The following PIWIL2 variants were observed in gnomAD, a reference collection of about 807,000 sequenced individuals.
The protein encoded by PIWIL2 is piwi like RNA-mediated gene silencing 2.
In PIWIL2, 81 loss-of-function variants were observed where a neutral mutation model predicts 116.5. The observed-to-expected ratio is 0.70, with a 90% confidence interval of 0.58 to 0.84. The LOEUF (loss-of-function observed/expected upper bound fraction) is 0.84. Ranked by LOEUF, PIWIL2 falls within the 40% of genes least tolerant of loss-of-function variation. PIWIL2 has a pLI of 0.00. For synonymous variants in PIWIL2, 489 were observed against 429.5 expected, an observed-to-expected ratio of 1.14 and a Z score of -1.71; for missense variants, 1,272 against 1,212.3, an observed-to-expected ratio of 1.05 and a Z score of -0.73.
rs7821749 is a variant in PIWIL2, at chr8:22,320,996, G to A, written c.2403+2721G>A. 5.8e-3 allele frequency among the ~76,000 whole-genome samples: 887 copies of A among 152,256 alleles called. 12 individuals are homozygous for A. The highest frequency in any genetic ancestry group is 0.02 in the African/African-American group (848 of 41,548). ...TAAGCTGACACTCCTGGTGATTTACGTTGAATTTCTAGTATCACAATTCTA... is the reference window on the plus strand; with the variant it reads ...TAAGCTGACACTCCTGGTGATTTACATTGAATTTCTAGTATCACAATTCTA... On this transcript the variant is annotated intron_variant, in intron 20 of 22. Transcript: ENST00000356766.
At chr8:22,338,804 A>C (rs926605596) in intron 20 of PIWIL2, among the ~76,000 whole-genome samples, 3 of 152,230 alleles carry the variant, frequency 2.0e-5, no homozygotes, top group African/African-American at 7.2e-5. Flanking sequence ...ATGTAACAAG[A>C]TCCATTGCAA....
intron 1 of PIWIL2, among the ~76,000 whole-genome samples, chr8:22,276,355 G>T (rs1438263588): frequency 6.6e-6 from 1 of 152,210 alleles, no homozygotes; most frequent in African/African-American, 2.4e-5. Flanking sequence ...TCGCTCCGTA[G>T]CGCAGGCTGG....
chr8:22,275,433 G>A (rs1215227538), intron 1 of PIWIL2, 35 bp downstream of exon 1: 1 of 152,592 alleles, frequency 6.6e-6, no homozygotes, highest in East Asian at 1.9e-4. Flanking sequence ...ATGCCAGGCA[G>A]GCCAGGGTCG....
chr8:22,341,781 C>T (rs185634884), intron 20 of PIWIL2, among the ~76,000 whole-genome samples: 1 of 151,998 alleles, frequency 6.6e-6, no homozygotes, highest in South Asian at 2.1e-4. Context: ...TCCTGGAAGT[C>T]CTAGCTAATG....
chr8:22,339,170 A>G (rs1832048355), intron 20 of PIWIL2, among the ~76,000 whole-genome samples: 2 of 152,226 alleles, frequency 1.3e-5, no homozygotes, highest in African/African-American at 4.8e-5. Context: ...ACAGTATACA[A>G]AAAGTAACTC....
chr8:22,305,535 T>C (rs1189642696), intron 12 of PIWIL2, among the ~76,000 whole-genome samples: 2 of 152,120 alleles, frequency 1.3e-5, no homozygotes, highest in Non-Finnish European at 2.9e-5. Flanking sequence ...GGAAGGTACC[T>C]TGTTACCTGA....
chr8:22,343,876 A>G (rs548802212), intron 20 of PIWIL2, among the ~76,000 whole-genome samples: 1 of 152,238 alleles, frequency 6.6e-6, no homozygotes, highest in South Asian at 2.1e-4. Flanking sequence ...ACCAACAATC[A>G]CGCTCCTTGA....
intron 6 of PIWIL2, among the ~76,000 whole-genome samples, chr8:22,285,288 T>A (rs989451363): frequency 1.3e-5 from 2 of 152,182 alleles, no homozygotes; most frequent in African/African-American, 4.8e-5. Flanking sequence ...GAGTTCAACT[T>A]TTTTAGATTC....
At chr8:22,284,113 GTTTT>G (rs747648524) in intron 5 of PIWIL2, 45 bp from the exon 6 acceptor site, 1 of 971,854 alleles carries the variant, frequency 1.0e-6, no homozygotes, top group Non-Finnish European at 1.6e-6. Context: ...TAGTTATTTT[GTTTT>G]TTTGTTTTTG....
intron 20 of PIWIL2, chr8:22,321,795 A>C: frequency 1.1e-6 from 1 of 897,356 alleles, no homozygotes; most frequent in Non-Finnish European, 1.3e-6. Context: ...TTGGGGTTCT[A>C]AGATTCTGAC....
intron 18 of PIWIL2, 135 bp downstream of exon 18, chr8:22,315,280 C>A: frequency 3.3e-6 from 2 of 598,076 alleles, no homozygotes; most frequent in Admixed American, 2.8e-5. Context: ...CCTCTTCAGC[C>A]CATTATCTAA....
chr8:22,318,160 C>G lies in PIWIL2; in HGVS notation c.2298-10C>G, dbSNP rs1286697303. On this transcript the variant is annotated splice_polypyrimidine_tract_variant and intron_variant, in intron 19 of 22. Transcript: ENST00000356766. ...TCCTTTCTCTGTCTCTCTGCTCACC[C>G]TGACCCTAGCACCCTCACAAAATGG... 6.3e-7 allele frequency: 1 copy of G among 1,576,008 alleles called. No individual in the cohort carries two copies. The highest frequency in any genetic ancestry group is 2.2e-5 in the East Asian group (1 of 44,694).
chr8:22,289,888 T>G lies in PIWIL2; in HGVS notation c.1028T>G (p.Phe343Cys). 2 of 1,612,772 alleles carry G rather than the reference T, an allele frequency of 1.2e-6. No homozygotes were observed. The highest frequency in any genetic ancestry group is 1.7e-6 in the Non-Finnish European group (2 of 1,178,790). Residue 343 changes from phenylalanine to cysteine, a missense_variant, in exon 9 of 23, where the codon TTT becomes TGT. Physicochemically the swap from Phe to Cys is radical, Grantham distance 205. Coordinates refer to ENST00000356766, the MANE Select transcript of PIWIL2 (RefSeq NM_018068.5). ...LLDMKLVGRN[F>C]YDPTSAMVLQ... ...GATATGAAGCTTGTGGGGAGAAACTTTTATGACCCTACAAGTGCTATGGTA... is the reference window on the plus strand; with the variant it reads ...GATATGAAGCTTGTGGGGAGAAACTGTTATGACCCTACAAGTGCTATGGTA...
intron 12 of PIWIL2, 110 bp from the exon 13 acceptor site, chr8:22,305,817 G>C (rs993113720): frequency 1.1e-5 from 8 of 746,602 alleles, no homozygotes; most frequent in Admixed American, 6.2e-5. Context: ...ACTCCTTAGT[G>C]CGCAAGGTAT....
chr8:22,304,195 C>A lies in PIWIL2; in HGVS notation c.1356C>A (p.Phe452Leu), dbSNP rs1182056712. Residue 452 changes from phenylalanine (F) to leucine (L), a missense_variant, in exon 11 of 23, where the codon TTC becomes TTA. Transcript: ENST00000356766. ...FTMSDGKEIT[F>L]LEYYSKNYGI... ...TGTCTGATGGGAAAGAGATCACATT[C>A]TTGGAATACTACAGGTAGCAAGAAG... The A allele has an allele frequency of 1.2e-6, 2 of 1,612,566 alleles. No homozygotes were observed. The highest frequency in any genetic ancestry group is 1.7e-6 in the Non-Finnish European group (2 of 1,178,910).
At chr8:22,300,640 G>C (rs1234079702) in intron 10 of PIWIL2, among the ~76,000 whole-genome samples, 13 of 152,204 alleles carry the variant, frequency 8.5e-5, no homozygotes, top group Non-Finnish European at 1.6e-4. Context: ...AATTCAGATT[G>C]TTCCACATTC....
chr8:22,304,248 G>A (rs967520701), intron 11 of PIWIL2, 39 bp downstream of exon 11: 6 of 1,359,124 alleles, frequency 4.4e-6, no homozygotes, highest in South Asian at 1.2e-5. Flanking sequence ...CAGGGTGGGG[G>A]TTGGATGTAG....
At chr8:22,278,849 A>G (rs1830436323) in intron 1 of PIWIL2, among the ~76,000 whole-genome samples, 1 of 152,062 alleles carries the variant, frequency 6.6e-6, no homozygotes, top group African/African-American at 2.4e-5. Context: ...CATTGGAGGG[A>G]TCTAGGTTGC....
intron 20 of PIWIL2, among the ~76,000 whole-genome samples, chr8:22,351,847 A>T (rs1447262581): frequency 6.6e-6 from 1 of 151,146 alleles, no homozygotes; most frequent in Non-Finnish European, 1.5e-5. Context: ...CCCATAATTT[A>T]GGTTTTTGAG....
Sources: allele counts gnomAD v4.1 joint callset (sites outside exome capture counted in the v4.1 genomes callset), GRCh38; gene constraint gnomAD v4.1.1; transcripts MANE v1.5; gene names NCBI Gene and HGNC (gene_info 2026-07-23, HGNC 2026-07-21).